Variants in LRSAM1 observed in about 807,000 individuals in gnomAD.
LRSAM1 encodes E3 ubiquitin-protein ligase LRSAM1.
A neutral mutation model predicts 118.1 loss-of-function variants in LRSAM1; 96 were observed. That is an observed-to-expected ratio of 0.81 (90% CI 0.69 to 0.96). The LOEUF is 0.96. LRSAM1 is among the 40% of genes least tolerant of loss of function. The probability of loss-of-function intolerance (pLI) is 0.00; values close to 1 mark genes in which losing one functional copy is unlikely to be tolerated. For missense variants in LRSAM1, 804 were observed against 915.5 expected, an observed-to-expected ratio of 0.88 and a Z score of 1.57; for synonymous variants, 322 against 364.2, an observed-to-expected ratio of 0.88 and a Z score of 1.32.
intron 19 of LRSAM1, among the ~76,000 whole-genome samples, chr9:127,490,246 TTTTC>T (rs146824383): frequency 0.62 from 93,046 of 150,226 alleles, 29,329 homozygotes; most frequent in Non-Finnish European, 0.66. Context: ...CTTTCTCTAT[TTTTC>T]TTTCTTTCTT....
chr9:127,451,653 T>A lies in LRSAM1; in HGVS notation c.-205T>A. On this transcript the variant is annotated 5_prime_UTR_variant, in exon 1 of 26. Coordinates refer to ENST00000300417, the MANE Select transcript of LRSAM1 (RefSeq NM_001005373.4). ...TCCGGTGATCCCAGCCCTAGCTGTT[T>A]CCCATATTCCTTTATCGTGAGTGTC... The A allele has an allele frequency of 2.5e-6, 1 of 407,552 alleles. No individual in the cohort carries two copies. Among genetic ancestry groups the A allele is most frequent in the East Asian group, 4.2e-5 (1 of 23,726 alleles). 25.2% of individuals were successfully genotyped at this position (407,552 alleles called of 1,614,324 possible).
chr9:127,473,051 A>G (rs1355858531), intron 10 of LRSAM1, among the ~76,000 whole-genome samples: 4 of 152,182 alleles, frequency 2.6e-5, no homozygotes, highest in African/African-American at 9.7e-5. Context: ...GTATTTTATT[A>G]AAGAGTCTGC....
intron 9 of LRSAM1, among the ~76,000 whole-genome samples, chr9:127,466,909 G>A (rs1041221104): frequency 6.6e-5 from 10 of 152,110 alleles, no homozygotes; most frequent in African/African-American, 1.2e-4. Context: ...AGGCTGAAGT[G>A]GGAGGATTGC....
At chr9:127,456,706 TA>T (rs1006491280) in intron 5 of LRSAM1, among the ~76,000 whole-genome samples, 24 of 147,908 alleles carry the variant, frequency 1.6e-4, no homozygotes, top group South Asian at 6.4e-4. Context: ...CTACCAAAAA[TA>T]AAAAAAAAAT....
Position 127,503,217 on chromosome 9 carries a change from G to C in LRSAM1, c.*318G>C, listed in dbSNP as rs762747415. On this transcript the variant is annotated 3_prime_UTR_variant, in exon 26 of 26. Coordinates refer to ENST00000300417, the MANE Select transcript of LRSAM1 (RefSeq NM_001005373.4). Reference sequence around the variant, plus strand: ...TGCCTCCCAGCTGTCTTGACTGAAGGCCACCGCCCCTGCAGGAGCTTGGGT... The same window carrying C: ...TGCCTCCCAGCTGTCTTGACTGAAGCCCACCGCCCCTGCAGGAGCTTGGGT... 1 of 401,252 alleles carries C rather than the reference G, an allele frequency of 2.5e-6. No individual in the cohort carries two copies. The highest frequency in any genetic ancestry group is 4.7e-6 in the Non-Finnish European group (1 of 210,732). The allele number at this position is 401,252 out of a possible 1,614,324, so 24.9% of individuals were successfully genotyped here. A position where few individuals can be genotyped will look rare whatever the true frequency, so the allele number is the denominator to read the frequency against.
chr9:127,477,971 C>G (rs1438517903), intron 11 of LRSAM1, among the ~76,000 whole-genome samples: 1 of 151,364 alleles, frequency 6.6e-6, no homozygotes, highest in African/African-American at 2.4e-5. Flanking sequence ...ATTGCTTGAA[C>G]CCAGGAGGTG....
Position 127,489,503 on chromosome 9 carries a change from G to T in LRSAM1, c.1407G>T (p.Arg469=). Residue 469 remains arginine (R), a synonymous_variant, in exon 19 of 26, where the codon CGG becomes CGT. Transcript: ENST00000300417. The part of the protein sequence containing the change: ...ALQVKKDLMH[R]QIRSQIKLIE... The stretch of plus-strand genomic sequence containing the variant: ...AGGTGAAGAAAGACCTGATGCATCG[G>T]CAGATCAGGAGCCAGGTGAGCGCTG... 6.2e-7 allele frequency: 1 copy of T among 1,608,752 alleles called. No homozygotes were observed. The highest frequency in any genetic ancestry group is 1.7e-5 in the Admixed American group (1 of 59,220).
intron 6 of LRSAM1, among the ~76,000 whole-genome samples, chr9:127,458,735 T>TAA (rs1188637968): frequency 6.6e-6 from 1 of 152,258 alleles, no homozygotes; most frequent in Non-Finnish European, 1.5e-5. Flanking sequence ...AGTGTTTCTT[T>TAA]TTAACATATT....
In LRSAM1 at chr9:127,478,958, A is replaced by T. The variant is rs548898578; in HGVS notation, c.775A>T (p.Arg259Trp). Reference protein sequence around the residue: ...WQNRFSDYEKRKEQKMLEKLE... With the variant: ...WQNRFSDYEKWKEQKMLEKLE... Reference sequence around the variant, plus strand: ...GAACAGGTTCTCAGACTATGAGAAGAGGAAGGTAAGAAAATGCCTTTACCC... The same window carrying T: ...GAACAGGTTCTCAGACTATGAGAAGTGGAAGGTAAGAAAATGCCTTTACCC... Residue 259 changes from arginine (R) to tryptophan (W), a missense_variant, in exon 12 of 26, where the codon AGG becomes TGG. Coordinates refer to ENST00000300417, the MANE Select transcript of LRSAM1 (RefSeq NM_001005373.4). 4 of 1,613,874 alleles carry T rather than the reference A, an allele frequency of 2.5e-6. No individual in the cohort carries two copies. The East Asian group carries it at 6.7e-5, about 27-fold the overall frequency.
At chr9:127,487,938 G>A (rs989506057) in intron 18 of LRSAM1, among the ~76,000 whole-genome samples, 175 bp downstream of exon 18, 2 of 151,666 alleles carry the variant, frequency 1.3e-5, no homozygotes, top group South Asian at 4.2e-4. Context: ...CTGAGGGGGG[G>A]CCCGGGGGAT....
chr9:127,487,897 T>A, intron 18 of LRSAM1, 134 bp downstream of exon 18: 3 of 478,270 alleles, frequency 6.3e-6, no homozygotes, highest in Non-Finnish European at 7.3e-6. Context: ...CATAGAGGTG[T>A]ACAAGTGATC....
At chr9:127,479,652 C>A in intron 13 of LRSAM1, 147 bp downstream of exon 13, 1 of 1,373,490 alleles carries the variant, frequency 7.3e-7, no homozygotes, top group Non-Finnish European at 1.0e-6. Context: ...AGGGCCCTTA[C>A]AGATCACCCA....
chr9:127,481,329 T>A, intron 15 of LRSAM1, 102 bp downstream of exon 15: 1 of 1,313,380 alleles, frequency 7.6e-7, no homozygotes, highest in Non-Finnish European at 1.1e-6. Context: ...CTCGGCTCAG[T>A]GCAACCCCCG....
intron 21 of LRSAM1, among the ~76,000 whole-genome samples, chr9:127,494,540 T>C (rs1052273136): frequency 6.6e-6 from 1 of 152,266 alleles, no homozygotes; most frequent in African/African-American, 2.4e-5. Context: ...TGTGAACATG[T>C]CAGCTACGCC....
rs752028583 is a variant in LRSAM1, at chr9:127,457,298, G to T, written c.175-18G>T. 2.5e-6 allele frequency: 4 copies of T among 1,613,688 alleles called. No homozygotes were observed. The African/African-American group carries it at 4.0e-5, about 16-fold the overall frequency. On this transcript the variant is annotated intron_variant, in intron 5 of 25. Coordinates refer to ENST00000300417, the MANE Select transcript of LRSAM1 (RefSeq NM_001005373.4). Reference sequence around the variant, plus strand: ...TGCTCTTCCTCAGCCCAGCATGGCCGCACATCTCTCCACACAGGTGCTGAT... The same window carrying T: ...TGCTCTTCCTCAGCCCAGCATGGCCTCACATCTCTCCACACAGGTGCTGAT...
chr9:127,482,544 G>A (rs1588123559), intron 15 of LRSAM1, among the ~76,000 whole-genome samples: 1 of 152,174 alleles, frequency 6.6e-6, no homozygotes, highest in Admixed American at 6.5e-5. Flanking sequence ...CAGCAGTGTA[G>A]GAAAGTGCCC....
At chr9:127,468,987 G>T (rs1326181383) in intron 10 of LRSAM1, among the ~76,000 whole-genome samples, 1 of 151,272 alleles carries the variant, frequency 6.6e-6, no homozygotes, top group African/African-American at 2.4e-5. Flanking sequence ...TCAAAAAAAA[G>T]GTTTAATTAA....
chr9:127,499,953 C>CTGT (rs1043722462), intron 24 of LRSAM1, among the ~76,000 whole-genome samples: 3 of 151,636 alleles, frequency 2.0e-5, no homozygotes, highest in Middle Eastern at 3.4e-3. Flanking sequence ...TTAGTTTTTC[C>CTGT]TGTTATAAAA....
chr9:127,468,348 G>A (rs776393347), intron 10 of LRSAM1, among the ~76,000 whole-genome samples: 2 of 152,130 alleles, frequency 1.3e-5, no homozygotes, highest in East Asian at 3.9e-4. Context: ...CAGGACAGGG[G>A]ACCAGTTAGG....
Sources: allele counts gnomAD v4.1 joint callset (sites outside exome capture counted in the v4.1 genomes callset), GRCh38; gene constraint gnomAD v4.1.1; transcripts MANE v1.5; gene names NCBI Gene and HGNC (gene_info 2026-07-23, HGNC 2026-07-21).